The following SLC45A4 variants were observed in gnomAD, a reference collection of about 807,000 sequenced individuals.
SLC45A4 encodes polyamine-transporter SLC45A4.
SLC45A4 carries 32 observed loss-of-function variants against 63.7 expected under a neutral mutation model. The ratio of observed to expected loss-of-function variants is 0.50; its 90% confidence interval spans 0.38 to 0.67. The LOEUF is 0.67. Ranked by LOEUF, SLC45A4 falls within the 30% of genes least tolerant of loss-of-function variation. SLC45A4 has a pLI of 0.00. For missense variants in SLC45A4, 1,027 were observed against 1,157.7 expected, an observed-to-expected ratio of 0.89 and a Z score of 1.64; for synonymous variants, 535 against 510.0, an observed-to-expected ratio of 1.05 and a Z score of -0.66.
Position 141,256,935 on chromosome 8 carries a change from C to G in SLC45A4, c.-400-2306G>C, listed in dbSNP as rs188269694. ...GTGGTGTGATCTCGGCTCACTGCAA[C>G]CTCCGCCTCCCAGCTTCAAGCGATT... On this transcript the variant is annotated intron_variant, in intron 1 of 8. Coordinates refer to ENST00000517878, the MANE Select transcript of SLC45A4 (RefSeq NM_001286646.2). This position sits in a 1 kb window ranked among gnomAD's most constrained non-coding sequence, Gnocchi z 4.3. 119 of 241,074 alleles carry G rather than the reference C, an allele frequency of 4.9e-4. No individual in the cohort carries two copies. The highest frequency in any genetic ancestry group is 1.3e-3 in the Admixed American group (26 of 20,266). 14.9% of individuals were successfully genotyped at this position (241,074 alleles called of 1,614,324 possible).
chr8:141,270,785 C>T (rs1033020312), intron 1 of SLC45A4, among the ~76,000 whole-genome samples: 1 of 152,114 alleles, frequency 6.6e-6, no homozygotes, highest in Non-Finnish European at 1.5e-5. Context: ...ACCAAAGGGC[C>T]CTTCCCCCAG....
chr8:141,232,552 C>T (rs932480465), intron 2 of SLC45A4, among the ~76,000 whole-genome samples: 5 of 152,038 alleles, frequency 3.3e-5, no homozygotes, highest in Admixed American at 6.6e-5. Flanking sequence ...GGAGCTGCAA[C>T]GTGAACACAC....
At chr8:141,252,053 C>T (rs1475857786) in intron 2 of SLC45A4, among the ~76,000 whole-genome samples, 1 of 148,522 alleles carries the variant, frequency 6.7e-6, no homozygotes, top group Non-Finnish European at 1.5e-5. Flanking sequence ...AACAAACATC[C>T]CTAAAACAAC....
In SLC45A4 at chr8:141,278,969, G is replaced by A. The variant is rs1829837066; in HGVS notation, c.-400-24340C>T. ...TCAAGGCCAGACAAGCAAAGCCCCAGCCCCCACCTTGGCCCCCAGCCTGTG... is the reference window on the plus strand; with the variant it reads ...TCAAGGCCAGACAAGCAAAGCCCCAACCCCCACCTTGGCCCCCAGCCTGTG... On this transcript the variant is annotated intron_variant, in intron 1 of 8. Coordinates refer to ENST00000517878, the MANE Select transcript of SLC45A4 (RefSeq NM_001286646.2). The surrounding 1 kb of genome is among the most constrained non-coding windows in gnomAD (Gnocchi z 4.1). Among the ~76,000 whole-genome samples the A allele has an allele frequency of 6.6e-6, 1 of 152,202 alleles. No homozygotes were observed. The highest frequency in any genetic ancestry group is 1.5e-5 in the Non-Finnish European group (1 of 68,030).
intron 2 of SLC45A4, chr8:141,226,620 G>C (rs114192148): frequency 6.6e-6 from 1 of 152,542 alleles, no homozygotes; most frequent in African/African-American, 2.4e-5. Context: ...GAGTGGTCAC[G>C]GGGTGAAGGC....
At chr8:141,271,537 G>A (rs1667159115) in intron 1 of SLC45A4, among the ~76,000 whole-genome samples, 1 of 152,210 alleles carries the variant, frequency 6.6e-6, no homozygotes, top group Admixed American at 6.5e-5. Flanking sequence ...GAGAGGCTGT[G>A]TGGGTGGATC....
intron 1 of SLC45A4, among the ~76,000 whole-genome samples, chr8:141,287,868 G>T (rs182326202): frequency 6.6e-6 from 1 of 152,160 alleles, no homozygotes; most frequent in East Asian, 1.9e-4. Context: ...AGGAGGGCCC[G>T]GGCCAGGGGC....
chr8:141,223,088 G>A (rs926056059), intron 2 of SLC45A4, among the ~76,000 whole-genome samples: 3 of 152,218 alleles, frequency 2.0e-5, no homozygotes, highest in African/African-American at 7.2e-5. Context: ...ATAAACTTGT[G>A]TGGGAGGAGG....
intron 2 of SLC45A4, chr8:141,228,133 G>A: frequency 6.2e-7 from 1 of 1,612,220 alleles, no homozygotes; most frequent in Non-Finnish European, 8.5e-7. Context: ...GCTTTAGATG[G>A]AGTGATCTGG....
At chr8:141,298,698 G>T (rs1409885153) in intron 1 of SLC45A4, among the ~76,000 whole-genome samples, 1 of 152,186 alleles carries the variant, frequency 6.6e-6, no homozygotes, top group Non-Finnish European at 1.5e-5. Flanking sequence ...GCAGCCAGGA[G>T]TCCTTCCTTC....
rs1010938412 is a variant in SLC45A4 at position 141,254,735 on chromosome 8, G to C, written c.-400-106C>G. 2.9e-6 allele frequency: 2 copies of C among 683,708 alleles called. No individual in the cohort carries two copies. The highest frequency in any genetic ancestry group is 5.4e-6 in the Non-Finnish European group (2 of 373,510). 42.4% of individuals were successfully genotyped at this position (683,708 alleles called of 1,614,324 possible). ...AGCAAGCCGTGTGCCCCGAGGGCCC[G>C]ACCCAAGATCACACAGCTCTCTGCC... On this transcript the variant is annotated intron_variant, in intron 1 of 8. Coordinates refer to ENST00000517878, the MANE Select transcript of SLC45A4 (RefSeq NM_001286646.2). The surrounding 1 kb of genome is among the most constrained non-coding windows in gnomAD (Gnocchi z 4.5).
chr8:141,254,709 G>T lies in SLC45A4; in HGVS notation c.-400-80C>A, dbSNP rs567695216. The T allele has an allele frequency of 1.4e-6, 1 of 690,988 alleles. No homozygotes were observed. The highest frequency in any genetic ancestry group is 1.7e-5 in the African/African-American group (1 of 57,156). The allele number at this position is 690,988 out of a possible 1,614,324, so 42.8% of individuals were successfully genotyped here. A position where few individuals can be genotyped will look rare whatever the true frequency, so the allele number is the denominator to read the frequency against. ...CCCTGTGGACCGCCGCCCGACCCCC[G>T]AGCAAGCCGTGTGCCCCGAGGGCCC... On this transcript the variant is annotated intron_variant, in intron 1 of 8. Transcript: ENST00000517878. The surrounding 1 kb of genome is among the most constrained non-coding windows in gnomAD (Gnocchi z 4.5).
chr8:141,303,826 C>A (rs923869420), intron 1 of SLC45A4, among the ~76,000 whole-genome samples: 1 of 152,204 alleles, frequency 6.6e-6, no homozygotes, highest in Non-Finnish European at 1.5e-5. Flanking sequence ...ATGAAAGTAC[C>A]GAGACCCAGG....
intron 6 of SLC45A4, among the ~76,000 whole-genome samples, chr8:141,216,477 T>C (rs573564058): frequency 6.6e-6 from 1 of 152,334 alleles, no homozygotes; most frequent in South Asian, 2.1e-4. Flanking sequence ...AATTCCTCTG[T>C]TCAAGCGGTG....
intron 2 of SLC45A4, among the ~76,000 whole-genome samples, chr8:141,251,933 G>T (rs1463878440): frequency 6.7e-6 from 1 of 149,214 alleles, no homozygotes; most frequent in East Asian, 2.0e-4. Flanking sequence ...CAAAGAAAAT[G>T]CTACGATTTC....
At chr8:141,277,158 C>CA (rs888414421) in intron 1 of SLC45A4, among the ~76,000 whole-genome samples, 11 of 152,268 alleles carry the variant, frequency 7.2e-5, no homozygotes, top group African/African-American at 1.9e-4. Context: ...TGCAAAGCCA[C>CA]ACACGCCGGC....
rs933103311 is a variant in SLC45A4 at position 141,278,501 on chromosome 8, T to A, written c.-400-23872A>T. The A allele has an allele frequency of 6.6e-6, 1 of 151,222 alleles. No individual in the cohort carries two copies. The highest frequency in any genetic ancestry group is 2.4e-5 in the African/African-American group (1 of 40,912). The allele number at this position is 151,222 out of a possible 1,614,324, so 9.4% of individuals were successfully genotyped here. A position where few individuals can be genotyped will look rare whatever the true frequency, so the allele number is the denominator to read the frequency against. ...GCGGGACAGGGGTGAGCACCTGTGG[T>A]GGAGGCGGGGCGGGCGGCCGACCCA... On this transcript the variant is annotated intron_variant, in intron 1 of 8. Transcript: ENST00000517878. The surrounding 1 kb of genome is among the most constrained non-coding windows in gnomAD (Gnocchi z 4.1).
chr8:141,274,244 A>G (rs1234494312), intron 1 of SLC45A4, among the ~76,000 whole-genome samples: 1 of 151,072 alleles, frequency 6.6e-6, no homozygotes, highest in Non-Finnish European at 1.5e-5. Context: ...AACAAAATGT[A>G]AAGTTTGGGC....
chr8:141,281,907 C>A (rs759813256), intron 1 of SLC45A4, among the ~76,000 whole-genome samples: 1 of 152,154 alleles, frequency 6.6e-6, no homozygotes, highest in Non-Finnish European at 1.5e-5. Flanking sequence ...GCCTGGCCCC[C>A]GTCCGGAGCT....
Sources: gnomAD v4.1 joint callset for allele counts (sites outside exome capture counted in the v4.1 genomes callset) on GRCh38, gnomAD v4.1.1 for gene constraint, Gnocchi (gnomAD v3.1) non-coding constraint, MANE v1.5 for transcripts, NCBI Gene and HGNC (gene_info 2026-07-23, HGNC 2026-07-21) for gene names.